The following DDX60 variants were observed in gnomAD, a reference collection of about 807,000 sequenced individuals.
DDX60 encodes probable ATP-dependent RNA helicase DDX60.
DDX60 carries 165 observed loss-of-function variants against 212.8 expected under a neutral mutation model. The observed-to-expected ratio is 0.78, with a 90% CI of 0.68 to 0.88. DDX60 has a LOEUF of 0.88. Ranked by LOEUF, DDX60 falls within the 40% of genes least tolerant of loss-of-function variation. DDX60 has a pLI of 0.00. For missense variants in DDX60, 1,905 were observed against 2,003.9 expected, an observed-to-expected ratio of 0.95 and a Z score of 0.94; for synonymous variants, 703 against 685.3, an observed-to-expected ratio of 1.03 and a Z score of -0.40.
chr4:168,264,864 T>G (rs1164224718), intron 22 of DDX60, among the ~76,000 whole-genome samples: 2 of 152,194 alleles, frequency 1.3e-5, no homozygotes, highest in Non-Finnish European at 2.9e-5. Flanking sequence ...TGAGTGAGTC[T>G]AGGCAGAAAA....
chr4:168,293,449 G>A (rs1736195532), intron 7 of DDX60, among the ~76,000 whole-genome samples: 1 of 152,126 alleles, frequency 6.6e-6, no homozygotes, highest in East Asian at 1.9e-4. Context: ...TCACAATGCT[G>A]TTGTGAGGAT....
intron 1 of DDX60, among the ~76,000 whole-genome samples, chr4:168,317,336 C>T (rs1737439206): frequency 6.6e-6 from 1 of 151,954 alleles, no homozygotes; most frequent in African/African-American, 2.4e-5. Context: ...GCTTATCCTC[C>T]AATCACAGTA....
rs778428370 is a variant in DDX60 at position 168,276,165 on chromosome 4, A to C, written c.1995T>G (p.Asp665Glu). The part of the protein sequence containing the change: ...CRSEEGKTTK[D>E]LSIAVQVMKR... ...TCATCACCTGAACAGCTATACTTAA[A>C]TCTTTCGTGGTTTTACCTTGATAAA... The change falls in exon 15 of 38, where the codon GAT becomes GAG. Residue 665 changes from aspartate to glutamate, a missense_variant. Transcript: ENST00000393743. 4 of 1,606,438 alleles carry C rather than the reference A, an allele frequency of 2.5e-6. No homozygotes were observed. Among genetic ancestry groups the C allele is most frequent in the Non-Finnish European group, 3.4e-6 (4 of 1,176,064 alleles).
At chr4:168,291,536 G>A (rs559943286) in intron 8 of DDX60, among the ~76,000 whole-genome samples, 1 of 152,012 alleles carries the variant, frequency 6.6e-6, no homozygotes, top group South Asian at 2.1e-4. Flanking sequence ...AAATAGAGAG[G>A]CTTTTTCCTT....
chr4:168,283,506 G>A lies in DDX60; in HGVS notation c.1662C>T (p.Ile554=), dbSNP rs760270918. The change falls in exon 13 of 38, where the codon ATC becomes ATT. Residue 554 remains isoleucine (I), a synonymous_variant. Coordinates refer to ENST00000393743, the MANE Select transcript of DDX60 (RefSeq NM_017631.6). The part of the protein sequence containing the change: ...NSLETVSSKI[I]VTQTIKSKKD... ...TCTTTGACTTAATAGTTTGAGTCACGATGATTTTCGAAGAGACTGTTTCTA... is the reference window on the plus strand; with the variant it reads ...TCTTTGACTTAATAGTTTGAGTCACAATGATTTTCGAAGAGACTGTTTCTA... 1.4e-5 allele frequency: 22 copies of A among 1,613,336 alleles called. No homozygotes were observed. In the East Asian group the frequency reaches 2.0e-4, roughly 15 times the overall value.
chr4:168,239,306 A>G (rs560927390), intron 30 of DDX60, among the ~76,000 whole-genome samples: 1 of 152,198 alleles, frequency 6.6e-6, no homozygotes, highest in South Asian at 2.1e-4. Flanking sequence ...ATGGATAGAA[A>G]GATAAATGAT....
chr4:168,296,812 T>C (rs1177797439), intron 6 of DDX60, among the ~76,000 whole-genome samples: 1 of 151,602 alleles, frequency 6.6e-6, no homozygotes, highest in Admixed American at 6.6e-5. Flanking sequence ...AGAAGAAATC[T>C]CTAAGTCTAC....
At chr4:168,261,578 A>T (rs533885913) in intron 24 of DDX60, among the ~76,000 whole-genome samples, 1 of 152,354 alleles carries the variant, frequency 6.6e-6, no homozygotes, top group East Asian at 1.9e-4. Flanking sequence ...TAAAGTTTTA[A>T]TACACAAATA....
At chr4:168,294,810 C>T (rs755115746) in intron 6 of DDX60, among the ~76,000 whole-genome samples, 40 of 151,448 alleles carry the variant, frequency 2.6e-4, no homozygotes, top group Non-Finnish European at 5.0e-4. Flanking sequence ...CCAAACTATA[C>T]ATTTAATAAG....
intron 23 of DDX60, 66 bp from the exon 24 acceptor site, chr4:168,262,194 A>T: frequency 6.6e-7 from 1 of 1,509,456 alleles, no homozygotes; most frequent in Non-Finnish European, 8.8e-7. Context: ...TTTCTCAATT[A>T]TATGCCTCAT....
intron 37 of DDX60, among the ~76,000 whole-genome samples, chr4:168,217,909 C>T (rs1171630423): frequency 6.6e-6 from 1 of 152,126 alleles, no homozygotes; most frequent in African/African-American, 2.4e-5. Context: ...GACTTCTGAC[C>T]TCCAGAATTG....
intron 26 of DDX60, 106 bp downstream of exon 26, chr4:168,255,605 C>A (rs148725703): frequency 1.0e-6 from 1 of 970,058 alleles, no homozygotes; most frequent in Non-Finnish European, 1.5e-6. Context: ...TAAGTCCAAG[C>A]GACAACTAGA....
At chr4:168,251,326 C>T (rs531900425) in intron 27 of DDX60, among the ~76,000 whole-genome samples, 2 of 152,360 alleles carry the variant, frequency 1.3e-5, no homozygotes, top group South Asian at 4.1e-4. Context: ...TCTTACTCCA[C>T]TTCTGGGGCA....
At chr4:168,278,953 G>A (rs1488733261) in intron 14 of DDX60, among the ~76,000 whole-genome samples, 1 of 152,172 alleles carries the variant, frequency 6.6e-6, no homozygotes, top group Non-Finnish European at 1.5e-5. Flanking sequence ...CCAAAGCAAG[G>A]TTTTAATTGT....
chr4:168,284,799 C>T (rs776232865), intron 12 of DDX60, 21 bp downstream of exon 12: 1 of 1,184,126 alleles, frequency 8.4e-7, no homozygotes, highest in Non-Finnish European at 1.2e-6. Flanking sequence ...AAATTTATAT[C>T]ACTGGAGTCA....
upstream of DDX60, among the ~76,000 whole-genome samples, chr4:168,319,632 T>C (rs559377862): frequency 1.4e-4 from 22 of 152,370 alleles, no homozygotes; most frequent in Admixed American, 2.6e-4. Flanking sequence ...CTGTTGATAC[T>C]TGCAGTGTGG....
At chr4:168,242,937 A>G (rs901774067) in intron 30 of DDX60, among the ~76,000 whole-genome samples, 13 of 152,160 alleles carry the variant, frequency 8.5e-5, no homozygotes, top group Admixed American at 8.5e-4. Context: ...GGTGTGAGGT[A>G]ATTGAAACAT....
At chr4:168,305,204 C>G (rs1220107821) in intron 5 of DDX60, among the ~76,000 whole-genome samples, 2 of 152,168 alleles carry the variant, frequency 1.3e-5, no homozygotes, top group Non-Finnish European at 2.9e-5. Flanking sequence ...TACCATCTAG[C>G]TTTGTGTCTG....
rs1167098969 is a variant in DDX60, at chr4:168,252,705, G to A, written c.3558-49C>T. On this transcript the variant is annotated intron_variant, in intron 26 of 37. Transcript: ENST00000393743. Reference sequence around the variant, plus strand: ...ATTAATGAAATTGTAAATAATGAATGAAGTAATTAATTTGATTTGGCCACC... The same window carrying A: ...ATTAATGAAATTGTAAATAATGAATAAAGTAATTAATTTGATTTGGCCACC... The A allele has an allele frequency of 4.1e-6, 6 of 1,470,668 alleles. No individual in the cohort carries two copies. In the Admixed American group the frequency reaches 1.2e-4, roughly 28 times the overall value. 91.1% of individuals were successfully genotyped at this position (1,470,668 alleles called of 1,614,324 possible).
Sources: allele counts gnomAD v4.1 joint callset (sites outside exome capture counted in the v4.1 genomes callset), GRCh38; gene constraint gnomAD v4.1.1; transcripts MANE v1.5; gene names NCBI Gene and HGNC (gene_info 2026-07-23, HGNC 2026-07-21).